SEMA6D: variants seen among roughly 807,000 people sequenced by gnomAD.
SEMA6D encodes semaphorin 6D.
In SEMA6D, 35 loss-of-function variants were observed where a neutral mutation model predicts 106.6. The ratio of observed to expected loss-of-function variants is 0.33; its 90% CI spans 0.25 to 0.44. The LOEUF (loss-of-function observed/expected upper bound fraction) is 0.44. SEMA6D is among the 20% of genes least tolerant of loss of function. The pLI is 1.00. For synonymous variants in SEMA6D, 499 were observed against 487.7 expected, an observed-to-expected ratio of 1.02 and a Z score of -0.31; for missense variants, 1,185 against 1,345.9, an observed-to-expected ratio of 0.88 and a Z score of 1.87.
chr15:47,359,145 T>C (rs1280633290), intron 1 of SEMA6D, among the ~76,000 whole-genome samples: 1 of 152,172 alleles, frequency 6.6e-6, no homozygotes, highest in Non-Finnish European at 1.5e-5. Context: ...CAGTGATTTA[T>C]ATATGTCACT....
chr15:47,325,041 T>G (rs1356490282), intron 1 of SEMA6D, among the ~76,000 whole-genome samples: 7 of 152,220 alleles, frequency 4.6e-5, no homozygotes, highest in African/African-American at 1.7e-4. Flanking sequence ...GAAAGTATCT[T>G]GTGGCACTTC....
rs1597112701 is a variant in SEMA6D, at chr15:47,771,878, G to A, written c.*93G>A. 16 of 1,325,506 alleles carry A rather than the reference G, an allele frequency of 1.2e-5. No individual in the cohort carries two copies. In the East Asian group the frequency reaches 3.5e-4, roughly 29 times the overall value. The allele number at this position is 1,325,506 out of a possible 1,614,324, so 82.1% of individuals were successfully genotyped here. ...GTACCTTAAAACAAGAGACTCGCTTGTATTTTAAGAGAACCAAGTGGCCAA... is the reference window on the plus strand; with the variant it reads ...GTACCTTAAAACAAGAGACTCGCTTATATTTTAAGAGAACCAAGTGGCCAA... On this transcript the variant is annotated 3_prime_UTR_variant, in exon 19 of 19. Transcript: ENST00000536845.
At chr15:47,449,166 G>A (rs2042113420) in intron 2 of SEMA6D, among the ~76,000 whole-genome samples, 1 of 151,894 alleles carries the variant, frequency 6.6e-6, no homozygotes, top group South Asian at 2.1e-4. Flanking sequence ...ATTTATTGAG[G>A]CATAAAGGAA....
intron 1 of SEMA6D, among the ~76,000 whole-genome samples, chr15:47,244,369 A>C (rs1231262660): frequency 6.6e-6 from 1 of 152,158 alleles, no homozygotes; most frequent in Non-Finnish European, 1.5e-5. Flanking sequence ...CTTCAGGGTT[A>C]CTAAGGATTA....
chr15:47,637,257 C>A (rs1171389018), intron 4 of SEMA6D, among the ~76,000 whole-genome samples: 3 of 152,194 alleles, frequency 2.0e-5, no homozygotes, highest in East Asian at 1.9e-4. Flanking sequence ...TAAAATATTT[C>A]TTTCCACCCC....
chr15:47,364,857 C>T (rs1267619699), intron 1 of SEMA6D, among the ~76,000 whole-genome samples: 1 of 151,936 alleles, frequency 6.6e-6, no homozygotes, highest in Non-Finnish European at 1.5e-5. Flanking sequence ...AGCTGTATCT[C>T]AATAGGATCT....
At chr15:47,289,393 C>CAAAAAA (rs746946975) in intron 1 of SEMA6D, among the ~76,000 whole-genome samples, 532 of 44,952 alleles carry the variant, frequency 0.012, 2 homozygotes, top group East Asian at 0.022. Flanking sequence ...AACTCCATCT[C>CAAAAAA]AAAAAAAAAA....
chr15:47,218,783 C>T (rs62013969), intron 1 of SEMA6D, among the ~76,000 whole-genome samples: 1,867 of 152,252 alleles, frequency 0.012, 43 homozygotes, highest in Admixed American at 0.012. Flanking sequence ...TCTCATCTAA[C>T]GGTCACAGTA....
intron 1 of SEMA6D, among the ~76,000 whole-genome samples, chr15:47,260,440 T>C (rs2034015738): frequency 6.6e-6 from 1 of 152,222 alleles, no homozygotes. Context: ...ATTTAGGCCC[T>C]CTTGGTTTAG....
At chr15:47,481,639 C>A (rs1291679136) in intron 3 of SEMA6D, among the ~76,000 whole-genome samples, 2 of 152,112 alleles carry the variant, frequency 1.3e-5, no homozygotes, top group Non-Finnish European at 2.9e-5. Flanking sequence ...CTCACAAGTC[C>A]ATTGAGCTCT....
At chr15:47,537,596 G>T (rs1023747341) in intron 3 of SEMA6D, among the ~76,000 whole-genome samples, 1 of 152,142 alleles carries the variant, frequency 6.6e-6, no homozygotes, top group Non-Finnish European at 1.5e-5. Context: ...AAATAATACT[G>T]GCTCAAATGC....
At chr15:47,325,769 A>G (rs1261634984) in intron 1 of SEMA6D, among the ~76,000 whole-genome samples, 1 of 152,168 alleles carries the variant, frequency 6.6e-6, no homozygotes, top group Non-Finnish European at 1.5e-5. Flanking sequence ...TTGCTAAGTC[A>G]TTAGTGAAGA....
chr15:47,550,858 G>A (rs926488615), intron 3 of SEMA6D, among the ~76,000 whole-genome samples: 12 of 152,112 alleles, frequency 7.9e-5, no homozygotes, highest in African/African-American at 2.9e-4. Flanking sequence ...ACTGTCCCAA[G>A]CAGAAACATC....
chr15:47,224,134 G>A (rs2031447402), intron 1 of SEMA6D, among the ~76,000 whole-genome samples: 3 of 150,040 alleles, frequency 2.0e-5, no homozygotes, highest in African/African-American at 4.9e-5. Context: ...ATGTGCACAT[G>A]TACCCTAAAA....
chr15:47,525,405 G>A, intron 3 of SEMA6D: 1 of 152,208 alleles, frequency 6.6e-6, no homozygotes, highest in East Asian at 1.9e-4. Context: ...CTGCTGCATA[G>A]TTGGTCACAT....
At chr15:47,731,788 A>T (rs1275906375) in intron 1 of SEMA6D, among the ~76,000 whole-genome samples, 1 of 152,228 alleles carries the variant, frequency 6.6e-6, no homozygotes, top group Non-Finnish European at 1.5e-5. Context: ...GCTACCATAG[A>T]TATCACCTTC....
chr15:47,762,283 C>T lies in SEMA6D; in HGVS notation c.622C>T (p.Leu208Phe). Residue 208 changes from leucine to phenylalanine, a missense_variant, in exon 8 of 19, where the codon CTT (leucine) becomes TTT (phenylalanine). This residue lies in a region of SEMA6D where 291 missense variants were observed against 423.8 expected (regional missense o/e 0.69). Transcript: ENST00000536845. Reference sequence around the variant, plus strand: ...TCGAAGCATGGGTGATGGATCTGCCCTTCGCACAATAAAATATGATTCCAA... The same window carrying T: ...TCGAAGCATGGGTGATGGATCTGCCTTTCGCACAATAAAATATGATTCCAA... ...IYRSMGDGSA[L>F]RTIKYDSKWI... 6.2e-7 allele frequency: 1 copy of T among 1,613,570 alleles called. No individual in the cohort carries two copies. The highest frequency in any genetic ancestry group is 8.5e-7 in the Non-Finnish European group (1 of 1,179,618).
chr15:47,275,399 G>T (rs997733265), intron 1 of SEMA6D, among the ~76,000 whole-genome samples: 1 of 152,002 alleles, frequency 6.6e-6, no homozygotes, highest in African/African-American at 2.4e-5. Context: ...CAAATTGAGG[G>T]CAACTCTGTG....
At chr15:47,273,637 C>G (rs2034663511) in intron 1 of SEMA6D, among the ~76,000 whole-genome samples, 1 of 152,134 alleles carries the variant, frequency 6.6e-6, no homozygotes, top group African/African-American at 2.4e-5. Context: ...TGCTATAATT[C>G]CAAACCACTT....
Sources: gnomAD v4.1 joint callset for allele counts (sites outside exome capture counted in the v4.1 genomes callset) on GRCh38, gnomAD v4.1.1 for gene constraint, gnomAD v4.1.1 regional missense constraint, MANE v1.5 for transcripts, NCBI Gene and HGNC (gene_info 2026-07-23, HGNC 2026-07-21) for gene names.